Variants in KDM4C observed in about 807,000 individuals in gnomAD.
KDM4C encodes lysine-specific demethylase 4C.
In KDM4C, 81 loss-of-function variants were observed where a neutral mutation model predicts 129.3. That is an observed-to-expected ratio of 0.63 (90% CI 0.52 to 0.75). KDM4C has a LOEUF of 0.75. Ranked by LOEUF, KDM4C falls within the 30% of genes least tolerant of loss-of-function variation. The pLI is 0.00. For missense variants in KDM4C, 1,457 were observed against 1,304.0 expected, an observed-to-expected ratio of 1.12 and a Z score of -1.81; for synonymous variants, 573 against 456.1, an observed-to-expected ratio of 1.26 and a Z score of -3.26.
intron 8 of KDM4C, among the ~76,000 whole-genome samples, chr9:6,938,061 A>G (rs1825149012): frequency 2.0e-5 from 3 of 152,308 alleles, no homozygotes; most frequent in African/African-American, 4.8e-5. Context: ...TCAATATTTT[A>G]CAAATTGCTA....
At chr9:6,796,368 C>T (rs1027988692) in intron 2 of KDM4C, among the ~76,000 whole-genome samples, 3 of 152,160 alleles carry the variant, frequency 2.0e-5, no homozygotes, top group Non-Finnish European at 4.4e-5. Context: ...TCACTTGAAC[C>T]CGGGAGGTGG....
chr9:6,824,095 A>G (rs915516204), intron 4 of KDM4C, among the ~76,000 whole-genome samples: 1 of 152,254 alleles, frequency 6.6e-6, no homozygotes, highest in East Asian at 1.9e-4. Context: ...GGTGGACACC[A>G]TCATAGAGAG....
chr9:7,001,985 T>G (rs1820809298), intron 12 of KDM4C, among the ~76,000 whole-genome samples: 1 of 151,828 alleles, frequency 6.6e-6, no homozygotes, highest in Admixed American at 6.6e-5. Context: ...ATCCGCCTCC[T>G]GGGTTCAAGT....
Position 7,046,853 on chromosome 9 carries a change from T to TC in KDM4C, c.2260-3dup. On this transcript the variant is annotated splice_polypyrimidine_tract_variant and intron_variant, in intron 15 of 21. Transcript: ENST00000381309. ...CTGGTCATCATGTGGTATTTTCTTT[T>TC]CCCCCCAGGAATGCTGTCTCTGCAA... 6.2e-7 allele frequency: 1 copy of TC among 1,601,352 alleles called. No individual in the cohort carries two copies. Among genetic ancestry groups the TC allele is most frequent in the Non-Finnish European group, 8.6e-7 (1 of 1,168,910 alleles).
chr9:6,730,739 A>G (rs1046329674), intron 1 of KDM4C, among the ~76,000 whole-genome samples: 2 of 152,190 alleles, frequency 1.3e-5, no homozygotes, highest in African/African-American at 2.4e-5. Flanking sequence ...GGTCAGAACA[A>G]ATTTACAGAC....
At chr9:7,157,384 T>C (rs978033642) in intron 19 of KDM4C, among the ~76,000 whole-genome samples, 3 of 152,204 alleles carry the variant, frequency 2.0e-5, no homozygotes, top group African/African-American at 4.8e-5. Flanking sequence ...GAACTTCCAA[T>C]ACTATCTTGA....
In KDM4C at chr9:7,154,612, G is replaced by A. The variant is rs542998470; in HGVS notation, c.2782-10626G>A. ...TGAATTTTTCCTTTTAGTTGATGGAGCAAGTATAGGAGTTTGGCCCTGACT... is the reference window on the plus strand; with the variant it reads ...TGAATTTTTCCTTTTAGTTGATGGAACAAGTATAGGAGTTTGGCCCTGACT... On this transcript the variant is annotated intron_variant, in intron 19 of 21. Coordinates refer to ENST00000381309, the MANE Select transcript of KDM4C (RefSeq NM_015061.6). 5.3e-5 allele frequency among the ~76,000 whole-genome samples: 8 copies of A among 152,298 alleles called. No individual in the cohort carries two copies. In the East Asian group the frequency reaches 1.5e-3, roughly 29 times the overall value.
At chr9:7,017,575 TTAAG>T (rs1036639278) in intron 15 of KDM4C, among the ~76,000 whole-genome samples, 3 of 152,230 alleles carry the variant, frequency 2.0e-5, no homozygotes, top group African/African-American at 4.8e-5. Context: ...TGCCATTTGA[TTAAG>T]TTTTACCTTA....
chr9:6,835,068 G>A (rs1261121785), intron 4 of KDM4C: 1 of 966,146 alleles, frequency 1.0e-6, no homozygotes, highest in East Asian at 2.4e-5. Flanking sequence ...CGGCTGAGTG[G>A]GATATCGTGC....
chr9:6,739,187 C>T (rs1240392656), intron 1 of KDM4C, among the ~76,000 whole-genome samples: 1 of 151,942 alleles, frequency 6.6e-6, no homozygotes, highest in Non-Finnish European at 1.5e-5. Context: ...ATTCTTGTGC[C>T]TCAGCTTCCC....
At chr9:7,154,789 C>T (rs892966953) in intron 19 of KDM4C, among the ~76,000 whole-genome samples, 1 of 152,168 alleles carries the variant, frequency 6.6e-6, no homozygotes, top group Admixed American at 6.5e-5. Flanking sequence ...ACTGCAGCTA[C>T]GGGCTTACTG....
chr9:7,103,401 C>G (rs901518766), intron 17 of KDM4C, among the ~76,000 whole-genome samples: 1 of 152,146 alleles, frequency 6.6e-6, no homozygotes, highest in African/African-American at 2.4e-5. Context: ...GAGCTCTGTG[C>G]CTGCAGGAGT....
intron 15 of KDM4C, among the ~76,000 whole-genome samples, chr9:7,040,733 A>G (rs843894): frequency 0.99 from 151,008 of 151,976 alleles, 75,032 homozygotes; most frequent in Middle Eastern, 1. Context: ...TTGCCTTCAC[A>G]ATTTCAGGTT....
At chr9:7,029,199 C>T (rs925137324) in intron 15 of KDM4C, among the ~76,000 whole-genome samples, 2 of 152,054 alleles carry the variant, frequency 1.3e-5, no homozygotes, top group African/African-American at 4.8e-5. Context: ...ATCAGTTTCT[C>T]CTGCAGGCTA....
chr9:7,136,705 TTAAA>T (rs1841243466), intron 19 of KDM4C, among the ~76,000 whole-genome samples: 1 of 152,240 alleles, frequency 6.6e-6, no homozygotes, highest in South Asian at 2.1e-4. Context: ...TGGGAATTTT[TTAAA>T]TAGTCTGTAC....
At chr9:7,113,168 A>C (rs12350651) in intron 18 of KDM4C, among the ~76,000 whole-genome samples, 4,497 of 152,272 alleles carry the variant, frequency 0.03, 183 homozygotes, top group African/African-American at 0.1. Context: ...ATAGCGATTC[A>C]AACCTGAATC....
chr9:6,976,735 A>T (rs1322984676), intron 8 of KDM4C, among the ~76,000 whole-genome samples: 4 of 152,210 alleles, frequency 2.6e-5, no homozygotes, highest in Non-Finnish European at 5.9e-5. Flanking sequence ...TGATTTAAAA[A>T]TTTAGGGTGT....
At chr9:6,841,012 A>G (rs1836820176) in intron 4 of KDM4C, among the ~76,000 whole-genome samples, 2 of 152,214 alleles carry the variant, frequency 1.3e-5, no homozygotes, top group East Asian at 1.9e-4. Flanking sequence ...GAAAGACTGT[A>G]GTCCTGCCCA....
At chr9:6,808,613 T>G (rs1339047426) in intron 3 of KDM4C, among the ~76,000 whole-genome samples, 5 of 147,014 alleles carry the variant, frequency 3.4e-5, no homozygotes, top group Admixed American at 2.7e-4. Flanking sequence ...CACTTGTTTA[T>G]CTGCTGACCT....
Sources: allele counts gnomAD v4.1 joint callset (sites outside exome capture counted in the v4.1 genomes callset), GRCh38; gene constraint gnomAD v4.1.1; transcripts MANE v1.5; gene names NCBI Gene and HGNC (gene_info 2026-07-23, HGNC 2026-07-21).